SLC7A2: variants seen among roughly 807,000 people sequenced by gnomAD.
SLC7A2 encodes solute carrier family 7 member 2.
SLC7A2 carries 48 observed loss-of-function variants against 58.9 expected under a neutral mutation model. The observed-to-expected ratio is 0.82, with a 90% CI of 0.65 to 1.04. The LOEUF (loss-of-function observed/expected upper bound fraction) is 1.04. SLC7A2 is among the 50% of genes least tolerant of loss of function. The pLI, the probability that SLC7A2 is intolerant of heterozygous loss-of-function variation, is 0.00. For synonymous variants in SLC7A2, 363 were observed against 314.5 expected (o/e 1.15, Z -1.63); for missense variants, 1,029 against 818.8 (o/e 1.26, Z -3.13).
Position 17,567,738 on chromosome 8 carries a change from T to A in SLC7A2, c.*2592T>A, listed in dbSNP as rs1803331246. 1.3e-5 allele frequency: 2 copies of A among 152,248 alleles called. No individual in the cohort carries two copies. Among genetic ancestry groups the A allele is most frequent in the Admixed American group, 6.5e-5 (1 of 15,282 alleles). The allele number at this position is 152,248 out of a possible 1,614,324, so 9.4% of individuals were successfully genotyped here. A position where few individuals can be genotyped will look rare whatever the true frequency, so the allele number is the denominator to read the frequency against. On this transcript the variant is annotated 3_prime_UTR_variant, in exon 13 of 13. Transcript: ENST00000494857. ...CTAATTTTTAGTTTTTAAACTATTT[T>A]AAAATATACTATGATTTTATATGTA...
intron 2 of SLC7A2, among the ~76,000 whole-genome samples, chr8:17,527,644 C>T (rs1801273091): frequency 6.6e-6 from 1 of 152,166 alleles, no homozygotes; most frequent in Non-Finnish European, 1.5e-5. Flanking sequence ...GGCCATCCAT[C>T]TTTGGCGTTA....
intron 2 of SLC7A2, chr8:17,538,680 G>T: frequency 1.2e-6 from 1 of 844,550 alleles, no homozygotes; most frequent in South Asian, 1.8e-5. Context: ...AGAAACGTTG[G>T]GTTTGGACAT....
In SLC7A2 at chr8:17,567,189, G is replaced by A. The variant is rs911380311; in HGVS notation, c.*2043G>A. The A allele has an allele frequency of 6.6e-6, 1 of 152,572 alleles. No individual in the cohort carries two copies. Among genetic ancestry groups the A allele is most frequent in the Admixed American group, 6.5e-5 (1 of 15,278 alleles). The allele number at this position is 152,572 out of a possible 1,614,324, so 9.5% of individuals were successfully genotyped here. ...AAGCACAGGCTCGGGTATTTTGGTAGGGACTGTAGGCATGCTCATAAATCC... is the reference window on the plus strand; with the variant it reads ...AAGCACAGGCTCGGGTATTTTGGTAAGGACTGTAGGCATGCTCATAAATCC... On this transcript the variant is annotated 3_prime_UTR_variant, in exon 13 of 13. Transcript: ENST00000494857.
At chr8:17,532,746 G>A (rs1012402944) in intron 2 of SLC7A2, among the ~76,000 whole-genome samples, 2 of 152,130 alleles carry the variant, frequency 1.3e-5, no homozygotes, top group Non-Finnish European at 2.9e-5. Context: ...AGTGTGAAAA[G>A]TAGGTTTTAC....
intron 12 of SLC7A2, among the ~76,000 whole-genome samples, chr8:17,564,241 G>A (rs1477649025): frequency 6.6e-6 from 1 of 152,146 alleles, no homozygotes; most frequent in Non-Finnish European, 1.5e-5. Flanking sequence ...CTCACCACTT[G>A]TATTTAGGGT....
chr8:17,565,050 AG>A lies in SLC7A2; in HGVS notation c.1882del (p.Ala628GlnfsTer49). 6.2e-7 allele frequency: 1 copy of A among 1,613,938 alleles called. No individual in the cohort carries two copies. Among genetic ancestry groups the A allele is most frequent in the Non-Finnish European group, 8.5e-7 (1 of 1,179,836 alleles). On this transcript the variant is annotated frameshift_variant, in exon 13 of 13. Transcript: ENST00000494857. LOFTEE classifies it high-confidence loss of function. The part of the protein sequence containing the change: ...EDAYPDNVHA[A>X]AEEKSAIQAN... Reference sequence around the variant, plus strand: ...ATGCTTATCCAGACAACGTTCATGCAGCAGCAGAAGAAAAATCTGCCATTCA... The same window carrying A: ...ATGCTTATCCAGACAACGTTCATGCACAGCAGAAGAAAAATCTGCCATTCA...
rs750614302 is a variant in SLC7A2, at chr8:17,550,309, C to T, written c.707C>T (p.Pro236Leu). ...KNISASAREP[P>L]SENGTSIYGA... ...TTTGTTCTCTTTCTTAGAGAGCCAC[C>T]TTCTGAAAACGGAACAAGTATCTAT... The change falls in exon 6 of 13, where the codon CCT (proline) becomes CTT (leucine). Residue 236 changes from proline (P) to leucine (L), a missense_variant. By Grantham distance (98) the Pro-to-Leu change is moderately conservative. Coordinates refer to ENST00000494857, the MANE Select transcript of SLC7A2 (RefSeq NM_001370338.1). 6.3e-5 allele frequency: 101 copies of T among 1,613,518 alleles called. No individual in the cohort carries two copies. Among genetic ancestry groups the T allele is most frequent in the Middle Eastern group, 3.3e-4 (2 of 6,056 alleles).
At chr8:17,522,330 C>T (rs10107333) in intron 2 of SLC7A2, among the ~76,000 whole-genome samples, 73,093 of 151,878 alleles carry the variant, frequency 0.48, 18,620 homozygotes, top group Middle Eastern at 0.59. Flanking sequence ...TTGTCTCCCA[C>T]TAGGTCCCTC....
intron 1 of SLC7A2, among the ~76,000 whole-genome samples, chr8:17,498,352 T>A (rs1415781902): frequency 1.3e-5 from 2 of 152,256 alleles, no homozygotes; most frequent in Non-Finnish European, 2.9e-5. Context: ...GAGCTAGTCT[T>A]TAAAAGTTAA....
rs116724824 is a variant in SLC7A2 at position 17,528,210 on chromosome 8, G to A, written c.-22-15108G>A. On this transcript the variant is annotated intron_variant, in intron 2 of 12. Transcript: ENST00000494857. Reference sequence around the variant, plus strand: ...ACCCAGCAGAGCTCCGTACACTGTCGAGGTGGTTTTTAAGAACAAAGCAAA... The same window carrying A: ...ACCCAGCAGAGCTCCGTACACTGTCAAGGTGGTTTTTAAGAACAAAGCAAA... Among the ~76,000 whole-genome samples, 1,176 of 152,236 alleles carry A rather than the reference G, an allele frequency of 7.7e-3. 11 individuals are homozygous for A. The highest frequency in any genetic ancestry group is 0.027 in the African/African-American group (1,115 of 41,540).
chr8:17,535,632 G>A (rs1801631833), intron 2 of SLC7A2, among the ~76,000 whole-genome samples: 1 of 152,222 alleles, frequency 6.6e-6, no homozygotes, highest in Admixed American at 6.5e-5. Context: ...GCCGGGCGCG[G>A]TGGCTTACGC....
intron 2 of SLC7A2, among the ~76,000 whole-genome samples, chr8:17,537,167 C>T (rs1801703599): frequency 6.6e-6 from 1 of 152,182 alleles, no homozygotes; most frequent in Non-Finnish European, 1.5e-5. Context: ...AGCAATTCTC[C>T]TGCCTTAGCC....
chr8:17,532,226 T>C lies in SLC7A2; in HGVS notation c.-22-11092T>C, dbSNP rs1801480213. Among the ~76,000 whole-genome samples, 3 of 52,012 alleles carry C rather than the reference T, an allele frequency of 5.8e-5. No individual in the cohort carries two copies. In the Admixed American group the frequency reaches 8.7e-4, roughly 15 times the overall value. The allele number at this position is 52,012 out of a possible 152,430, so 34.1% of individuals were successfully genotyped here. A position where few individuals can be genotyped will look rare whatever the true frequency, so the allele number is the denominator to read the frequency against. ...GCCTGGGCAACAGGGCAAGACTCTATCTCAAAAAAAAAAAAAAAAAAAAAA... is the reference window on the plus strand; with the variant it reads ...GCCTGGGCAACAGGGCAAGACTCTACCTCAAAAAAAAAAAAAAAAAAAAAA... On this transcript the variant is annotated intron_variant, in intron 2 of 12. Coordinates refer to ENST00000494857, the MANE Select transcript of SLC7A2 (RefSeq NM_001370338.1).
chr8:17,527,801 G>T (rs1000456205), intron 2 of SLC7A2, among the ~76,000 whole-genome samples: 1 of 152,160 alleles, frequency 6.6e-6, no homozygotes, highest in Non-Finnish European at 1.5e-5. Flanking sequence ...CAAAGACCCT[G>T]TTTCCCAGTA....
At chr8:17,528,362 C>T (rs892705429) in intron 2 of SLC7A2, among the ~76,000 whole-genome samples, 66 of 152,040 alleles carry the variant, frequency 4.3e-4, no homozygotes, top group Admixed American at 2.2e-3. Context: ...GACTGTTTTT[C>T]GGTGTGGCCA....
chr8:17,512,055 C>T (rs1800624498), intron 2 of SLC7A2, among the ~76,000 whole-genome samples: 1 of 152,180 alleles, frequency 6.6e-6, no homozygotes, highest in Non-Finnish European at 1.5e-5. Context: ...CTATGGAATG[C>T]TTCTGGAGCA....
At chr8:17,562,160 G>A (rs376092825) in intron 11 of SLC7A2, 50 bp downstream of exon 11, 12 of 905,160 alleles carry the variant, frequency 1.3e-5, no homozygotes, top group Non-Finnish European at 1.8e-5. Flanking sequence ...CATTTTCTCT[G>A]TATAATTAGT....
chr8:17,561,402 G>A (rs1253356594), intron 10 of SLC7A2, among the ~76,000 whole-genome samples: 3 of 152,238 alleles, frequency 2.0e-5, no homozygotes, highest in South Asian at 2.1e-4. Context: ...ATCAGATCTC[G>A]CTAGACTTAT....
intron 2 of SLC7A2, among the ~76,000 whole-genome samples, chr8:17,524,862 A>T (rs1262621489): frequency 2.0e-5 from 3 of 151,912 alleles, no homozygotes; most frequent in Non-Finnish European, 4.4e-5. Flanking sequence ...AATCAGGAGC[A>T]AGTTCTTAGC....
Sources: allele counts gnomAD v4.1 joint callset (sites outside exome capture counted in the v4.1 genomes callset), GRCh38; gene constraint gnomAD v4.1.1; transcripts MANE v1.5; gene names NCBI Gene and HGNC (gene_info 2026-07-23, HGNC 2026-07-21).